Variants in MAP7 observed in about 807,000 individuals in gnomAD.
MAP7 encodes the protein microtubule associated protein 7.
In MAP7, 52 loss-of-function variants were observed where a neutral mutation model predicts 94.8. That is an observed-to-expected ratio of 0.55 (90% CI 0.44 to 0.69). MAP7 has a LOEUF of 0.69. Ranked by LOEUF, MAP7 falls within the 30% of genes least tolerant of loss-of-function variation. The probability of loss-of-function intolerance (pLI) is 0.00; values close to 1 mark genes in which losing one functional copy is unlikely to be tolerated. For synonymous variants in MAP7, 350 were observed against 357.0 expected (o/e 0.98, Z 0.22); for missense variants, 940 against 964.6 (o/e 0.97, Z 0.34).
intron 17 of MAP7, 50 bp downstream of exon 17, chr6:136,345,806 G>A: frequency 7.1e-7 from 1 of 1,416,478 alleles, no homozygotes; most frequent in South Asian, 1.1e-5. Flanking sequence ...TGTCCTCCTG[G>A]GTGTCAGATA....
At chr6:136,480,273 G>C (rs1812310153) in intron 1 of MAP7, among the ~76,000 whole-genome samples, 1 of 152,036 alleles carries the variant, frequency 6.6e-6, no homozygotes, top group South Asian at 2.1e-4. Context: ...AATGGTGCTG[G>C]GAAAATTGGA....
At chr6:136,452,193 C>CAAACAAA (rs147927921) in intron 1 of MAP7, among the ~76,000 whole-genome samples, 1 of 145,600 alleles carries the variant, frequency 6.9e-6, no homozygotes, top group Non-Finnish European at 1.5e-5. Context: ...GACTCCGTCT[C>CAAACAAA]AAACAAAACA....
chr6:136,397,543 C>A (rs1782851211), intron 3 of MAP7, among the ~76,000 whole-genome samples: 1 of 150,446 alleles, frequency 6.6e-6, no homozygotes, highest in African/African-American at 2.5e-5. Flanking sequence ...AGCCCTAACC[C>A]CCAAGGTAAA....
intron 1 of MAP7, among the ~76,000 whole-genome samples, chr6:136,428,905 C>T (rs1373293189): frequency 2.6e-5 from 4 of 152,134 alleles, no homozygotes; most frequent in Non-Finnish European, 5.9e-5. Context: ...GTGAAGTAGA[C>T]GTGACCTTGA....
At chr6:136,510,208 TGGGGTGAG>T (rs1382704863) in intron 1 of MAP7, among the ~76,000 whole-genome samples, 1 of 151,814 alleles carries the variant, frequency 6.6e-6, no homozygotes. Context: ...GTAGACAAAA[TGGGGTGAG>T]CATCTCTGTG....
At chr6:136,480,669 A>AAG (rs1491041119) in intron 1 of MAP7, among the ~76,000 whole-genome samples, 1 of 148,852 alleles carries the variant, frequency 6.7e-6, no homozygotes, top group East Asian at 2.0e-4. Context: ...AAAAAAAAAA[A>AAG]GAAAAGAAAA....
intron 1 of MAP7, among the ~76,000 whole-genome samples, chr6:136,512,540 C>A (rs1270065543): frequency 6.6e-6 from 1 of 152,136 alleles, no homozygotes; most frequent in East Asian, 1.9e-4. Flanking sequence ...TCCAGACCAC[C>A]CCAATAAAGC....
In MAP7 at chr6:136,372,979, GA is replaced by G. The variant is rs201794973; in HGVS notation, c.752-355del. Among the ~76,000 whole-genome samples the G allele has an allele frequency of 3.3e-5, 5 of 151,750 alleles. No individual in the cohort carries two copies. In the East Asian group the frequency reaches 5.8e-4, roughly 18 times the overall value. ...ATATTCCTATTAGCTGATGGTTCTG[GA>G]AAAAAAACTACATTAGTGATAAAAG... is the stretch of plus-strand genomic sequence containing the variant. On this transcript the variant is annotated intron_variant, in intron 7 of 17. Coordinates refer to ENST00000354570, the MANE Select transcript of MAP7 (RefSeq NM_003980.6).
chr6:136,377,879 C>G lies in MAP7; in HGVS notation c.638-11G>C. 1 of 1,589,846 alleles carries G rather than the reference C, an allele frequency of 6.3e-7. No individual in the cohort carries two copies. Among genetic ancestry groups the G allele is most frequent in the Non-Finnish European group, 8.6e-7 (1 of 1,158,556 alleles). On this transcript the variant is annotated splice_polypyrimidine_tract_variant and intron_variant, in intron 6 of 17. Coordinates refer to ENST00000354570, the MANE Select transcript of MAP7 (RefSeq NM_003980.6). ...GCTGCAGGCGGCGAGCTAAACGTCA[C>G]CACATAAGCAAGATGTTAGAAGCAT...
intron 1 of MAP7, among the ~76,000 whole-genome samples, chr6:136,470,153 C>A (rs946195971): frequency 6.6e-6 from 1 of 152,146 alleles, no homozygotes; most frequent in African/African-American, 2.4e-5. Flanking sequence ...ATCAAATCTG[C>A]AATCTGACAC....
chr6:136,495,541 G>C (rs1275746605), intron 1 of MAP7, among the ~76,000 whole-genome samples: 1 of 152,086 alleles, frequency 6.6e-6, no homozygotes, highest in African/African-American at 2.4e-5. Context: ...GCTCCAATGA[G>C]CATTCCCTTT....
chr6:136,468,016 A>T (rs1807674374), intron 1 of MAP7, among the ~76,000 whole-genome samples: 1 of 151,600 alleles, frequency 6.6e-6, no homozygotes, highest in Admixed American at 6.6e-5. Flanking sequence ...GGAACTACCG[A>T]CTCCTTAGGA....
At chr6:136,429,332 C>G (rs1272150436) in intron 1 of MAP7, among the ~76,000 whole-genome samples, 2 of 152,126 alleles carry the variant, frequency 1.3e-5, no homozygotes, top group African/African-American at 2.4e-5. Flanking sequence ...CATCACTAAC[C>G]CAAAAACCTG....
intron 1 of MAP7, among the ~76,000 whole-genome samples, chr6:136,529,993 T>G (rs1280080615): frequency 6.6e-6 from 1 of 152,196 alleles, no homozygotes; most frequent in African/African-American, 2.4e-5. Context: ...GACTAACATG[T>G]AGTCACCTGC....
Position 136,550,001 on chromosome 6 carries a change from T to A in MAP7, c.67+341A>T, listed in dbSNP as rs534043749. Among the ~76,000 whole-genome samples, 37 of 152,258 alleles carry A rather than the reference T, an allele frequency of 2.4e-4. No individual in the cohort carries two copies. The South Asian group carries it at 7.5e-3, about 31-fold the overall frequency. On this transcript the variant is annotated intron_variant, in intron 1 of 17. Transcript: ENST00000354570. This position sits in a 1 kb window ranked among gnomAD's most constrained non-coding sequence, Gnocchi z 5.1. Reference sequence around the variant, plus strand: ...TGGGGGATACGATTTCCCATTCAACTGAATTAGACCCGAGGCCGCGGCGGG... The same window carrying A: ...TGGGGGATACGATTTCCCATTCAACAGAATTAGACCCGAGGCCGCGGCGGG...
Position 136,344,233 on chromosome 6 carries a change from TA to T in MAP7, c.2244del (p.Ile749TyrfsTer6). 2.3e-6 allele frequency: 3 copies of T among 1,333,000 alleles called. No homozygotes were observed. The highest frequency in any genetic ancestry group is 2.0e-6 in the Non-Finnish European group (2 of 998,568). 82.6% of individuals were successfully genotyped at this position (1,333,000 alleles called of 1,614,324 possible). ...TGGTTCTTCAGAAGAAACACTCATATAACTTCTACATGAAGAGACAGAAAAA... is the reference window on the plus strand; with the variant it reads ...TGGTTCTTCAGAAGAAACACTCATATACTTCTACATGAAGAGACAGAAAAA... ...DGVQTQQTAEVI is the reference protein window; with the variant it reads ...DGVQTQQTAEXI On this transcript the variant is annotated frameshift_variant, in exon 18 of 18. Transcript: ENST00000354570. LOFTEE classifies it high-confidence loss of function.
chr6:136,420,901 A>AT (rs762582609), intron 2 of MAP7, among the ~76,000 whole-genome samples: 7 of 152,176 alleles, frequency 4.6e-5, no homozygotes, highest in Non-Finnish European at 8.8e-5. Context: ...ATTCTCACTG[A>AT]TTCACTGTGT....
chr6:136,503,917 C>A (rs996401109), intron 1 of MAP7, among the ~76,000 whole-genome samples: 1 of 152,224 alleles, frequency 6.6e-6, no homozygotes, highest in Non-Finnish European at 1.5e-5. Flanking sequence ...TAAAAAGTTA[C>A]TGCAGCACCG....
At chr6:136,548,314 C>T (rs1488299566) in intron 1 of MAP7, among the ~76,000 whole-genome samples, 2 of 151,958 alleles carry the variant, frequency 1.3e-5, no homozygotes, top group South Asian at 2.1e-4. Flanking sequence ...AAAATAACTA[C>T]CACCTAGATT....
Sources: gnomAD v4.1 joint callset for allele counts (sites outside exome capture counted in the v4.1 genomes callset) on GRCh38, gnomAD v4.1.1 for gene constraint, Gnocchi (gnomAD v3.1) non-coding constraint, MANE v1.5 for transcripts, NCBI Gene and HGNC (gene_info 2026-07-23, HGNC 2026-07-21) for gene names.